Variants in ANO3 observed in about 807,000 individuals in gnomAD.
ANO3 encodes the protein anoctamin 3.
ANO3 carries 99 observed loss-of-function variants against 144.8 expected under a neutral mutation model. The observed-to-expected ratio is 0.68, with a 90% CI of 0.58 to 0.81. ANO3 has a LOEUF of 0.81. Among genes scored for constraint, ANO3 ranks in the 30% least tolerant of loss-of-function variants. ANO3 has a pLI of 0.00. For synonymous variants in ANO3, 414 were observed against 392.6 expected, an observed-to-expected ratio of 1.05 and a Z score of -0.64; for missense variants, 905 against 1,202.2, an observed-to-expected ratio of 0.75 and a Z score of 3.66.
intron 1 of ANO3, among the ~76,000 whole-genome samples, chr11:26,349,234 C>A (rs532932139): frequency 6.6e-6 from 1 of 152,252 alleles, no homozygotes; most frequent in South Asian, 2.1e-4. Flanking sequence ...ACCTTTAAGG[C>A]TGAGCTTTAA....
intron 4 of ANO3, among the ~76,000 whole-genome samples, chr11:26,475,699 G>A (rs1341260889): frequency 6.6e-6 from 1 of 151,902 alleles, no homozygotes; most frequent in Non-Finnish European, 1.5e-5. Flanking sequence ...AAATATGTAT[G>A]TCTATCATAA....
At chr11:26,508,746 A>G (rs1861532336) in intron 5 of ANO3, 1 of 153,206 alleles carries the variant, frequency 6.5e-6, no homozygotes, top group Admixed American at 6.5e-5. Flanking sequence ...AGAAAGAAGG[A>G]AAAGCGTATC....
chr11:26,634,418 G>T lies in ANO3; in HGVS notation c.1985+103G>T, dbSNP rs541413074. 6.9e-5 allele frequency: 50 copies of T among 723,772 alleles called. No homozygotes were observed. The African/African-American group carries it at 7.8e-4, about 11-fold the overall frequency. The allele number at this position is 723,772 out of a possible 1,614,324, so 44.8% of individuals were successfully genotyped here. On this transcript the variant is annotated intron_variant, in intron 19 of 26. Coordinates refer to ENST00000256737, the MANE Select transcript of ANO3 (RefSeq NM_031418.4). ...CTCAAATGATTTCTGACAGCCACCA[G>T]CAGCTAAAGTTGGCACAAAAAAATA...
At chr11:26,634,928 A>T in intron 19 of ANO3, 85 bp from the exon 20 acceptor site, 1 of 1,077,358 alleles carries the variant, frequency 9.3e-7, no homozygotes, top group African/African-American at 1.5e-5. Flanking sequence ...ATGTCTACCC[A>T]CACATGCACT....
At chr11:26,450,556 A>G (rs954722413) in intron 3 of ANO3, among the ~76,000 whole-genome samples, 5 of 152,214 alleles carry the variant, frequency 3.3e-5, no homozygotes, top group African/African-American at 1.2e-4. Flanking sequence ...GATAATTTTT[A>G]AAATCATGAT....
intron 3 of ANO3, among the ~76,000 whole-genome samples, chr11:26,457,147 G>A (rs1298073841): frequency 1.3e-5 from 2 of 150,926 alleles, no homozygotes; most frequent in East Asian, 2.0e-4. Flanking sequence ...AGTGGGTGCA[G>A]CGCACCAGCA....
intron 4 of ANO3, among the ~76,000 whole-genome samples, chr11:26,501,083 A>G (rs552734356): frequency 6.6e-6 from 1 of 152,330 alleles, no homozygotes; most frequent in South Asian, 2.1e-4. Flanking sequence ...AAACATTCCT[A>G]TTATTAACAG....
chr11:26,205,432 CTGAG>C (rs1288408660), intron 1 of ANO3, among the ~76,000 whole-genome samples: 3 of 152,102 alleles, frequency 2.0e-5, no homozygotes, highest in Non-Finnish European at 4.4e-5. Flanking sequence ...AACTATAAAC[CTGAG>C]TGTGTCTCAT....
At position 26,332,341 on chromosome 11, in the gene ANO3, C is replaced by T; in HGVS notation, c.46+20C>T. 1 of 1,613,436 alleles carries T rather than the reference C, an allele frequency of 6.2e-7. No individual in the cohort carries two copies. The highest frequency in any genetic ancestry group is 8.5e-7 in the Non-Finnish European group (1 of 1,179,646). On this transcript the variant is annotated intron_variant, in intron 1 of 26. Coordinates refer to ENST00000256737, the MANE Select transcript of ANO3 (RefSeq NM_031418.4). ...AAAAAGGTCAGTTGGAATCTTGCTC[C>T]CCTCTCCCTGCGGGCGTCACTTCCC...
At chr11:26,593,211 G>C (rs1329343319) in intron 14 of ANO3, among the ~76,000 whole-genome samples, 5 of 152,174 alleles carry the variant, frequency 3.3e-5, no homozygotes, top group Admixed American at 3.3e-4. Context: ...AGGGGACTAG[G>C]TAAGCATACT....
intron 1 of ANO3, among the ~76,000 whole-genome samples, chr11:26,290,230 T>C (rs1853924148): frequency 6.6e-6 from 1 of 152,190 alleles, no homozygotes; most frequent in Non-Finnish European, 1.5e-5. Context: ...GATGGTAGTT[T>C]GTATTTCCGT....
At chr11:26,563,110 T>C (rs764719014) in intron 14 of ANO3, 1 of 1,610,912 alleles carries the variant, frequency 6.2e-7, no homozygotes, top group East Asian at 2.2e-5. Flanking sequence ...TGAAAATAGA[T>C]TTTACCTGGT....
intron 1 of ANO3, among the ~76,000 whole-genome samples, chr11:26,283,357 T>TATATACACACAC (rs1564947814): frequency 8.8e-6 from 1 of 113,768 alleles, no homozygotes; most frequent in African/African-American, 3.3e-5. Context: ...TATATATATA[T>TATATACACACAC]ATATATATAG....
At chr11:26,623,779 T>C (rs187512457) in intron 17 of ANO3, among the ~76,000 whole-genome samples, 15 of 151,772 alleles carry the variant, frequency 9.9e-5, no homozygotes, top group Non-Finnish European at 1.5e-5. Context: ...TTTTTATTTA[T>C]TTTTATTTTT....
chr11:26,532,776 A>C (rs293938), intron 8 of ANO3, among the ~76,000 whole-genome samples: 2 of 151,986 alleles, frequency 1.3e-5, no homozygotes, highest in African/African-American at 2.4e-5. Flanking sequence ...CACCACCTCC[A>C]AGAGACTGGC....
chr11:26,451,506 A>C (rs1008399446), intron 3 of ANO3, among the ~76,000 whole-genome samples: 7 of 152,168 alleles, frequency 4.6e-5, no homozygotes, highest in African/African-American at 1.7e-4. Flanking sequence ...CTGAGATCAA[A>C]CTGCAAGGCG....
rs549974178 is a variant in ANO3 at position 26,568,040 on chromosome 11, A to G, written c.1447+8261A>G. Among the ~76,000 whole-genome samples the G allele has an allele frequency of 6.6e-5, 10 of 152,072 alleles. No homozygotes were observed. In the South Asian group the frequency reaches 1.7e-3, roughly 25 times the overall value. On this transcript the variant is annotated intron_variant, in intron 14 of 26. Coordinates refer to ENST00000256737, the MANE Select transcript of ANO3 (RefSeq NM_031418.4). ...GGAGGTTGTGTGCTGGTGATACTCT[A>G]TTTCTCAACCTGATTGTGATTACAT...
intron 13 of ANO3, 32 bp downstream of exon 13, chr11:26,553,377 A>T (rs1378592376): frequency 6.8e-7 from 1 of 1,473,208 alleles, no homozygotes; most frequent in Non-Finnish European, 9.4e-7. Flanking sequence ...CTCCTCCCTG[A>T]GCTGTACTGA....
At chr11:26,278,281 C>A (rs1853601816) in intron 1 of ANO3, among the ~76,000 whole-genome samples, 1 of 152,136 alleles carries the variant, frequency 6.6e-6, no homozygotes, top group South Asian at 2.1e-4. Context: ...AAGAGGCTCA[C>A]ACTTTTCCAC....
Sources: gnomAD v4.1 joint callset for allele counts (sites outside exome capture counted in the v4.1 genomes callset) on GRCh38, gnomAD v4.1.1 for gene constraint, MANE v1.5 for transcripts, NCBI Gene and HGNC (gene_info 2026-07-23, HGNC 2026-07-21) for gene names.